Variants in SLC12A7 observed in about 807,000 individuals in gnomAD.
SLC12A7 encodes the protein solute carrier family 12 member 7, also known as K-Cl cotransporter 4.
Under a neutral mutation model 120.6 loss-of-function variants are expected in SLC12A7, and 100 were observed. The observed-to-expected ratio is 0.83, with a 90% CI of 0.71 to 0.98. SLC12A7 has a LOEUF of 0.98. Among genes scored for constraint, SLC12A7 ranks in the 50% least tolerant of loss-of-function variants. SLC12A7 has a pLI of 0.00. For synonymous variants in SLC12A7, 760 were observed against 678.0 expected (o/e 1.12, Z -1.88); for missense variants, 1,373 against 1,548.1 (o/e 0.89, Z 1.90).
the SLC12A7 span, among the ~76,000 whole-genome samples, chr5:1,130,536 C>T: frequency 4.6e-5 from 7 of 151,816 alleles, no homozygotes; most frequent in African/African-American, 1.7e-4. Flanking sequence ...ACCTCCTTAG[C>T]CAGGGCGGCT....
At chr5:1,054,009 G>A (rs938582771) in intron 22 of SLC12A7, among the ~76,000 whole-genome samples, 27 of 152,336 alleles carry the variant, frequency 1.8e-4, no homozygotes, top group African/African-American at 6.0e-4. Flanking sequence ...GGAAGCTCAG[G>A]AAGGAAAGGC....
Position 1,085,477 on chromosome 5 carries a change from T to C in SLC12A7, c.676-4A>G, listed in dbSNP as rs374971418. On this transcript the variant is annotated splice_region_variant and splice_polypyrimidine_tract_variant and intron_variant, in intron 6 of 23. Coordinates refer to ENST00000264930, the MANE Select transcript of SLC12A7 (RefSeq NM_006598.3). ...CCGCACCCGGGGAGATGTACGTCTG[T>C]GGGAACAAGGCCGGTCGGGAGGCCG... is the stretch of plus-strand genomic sequence containing the variant. 146 of 1,603,002 alleles carry C rather than the reference T, an allele frequency of 9.1e-5. 3 individuals are homozygous for C. In the African/African-American group the frequency reaches 1.5e-3, roughly 17 times the overall value.
the SLC12A7 span, among the ~76,000 whole-genome samples, chr5:1,140,653 C>T: frequency 6.6e-6 from 1 of 152,392 alleles, no homozygotes; most frequent in Non-Finnish European, 1.5e-5. Flanking sequence ...GCTCCACGCT[C>T]TCTACTCCAG....
intron 17 of SLC12A7, among the ~76,000 whole-genome samples, chr5:1,066,250 C>T (rs1427586784): frequency 6.6e-6 from 1 of 152,224 alleles, no homozygotes; most frequent in African/African-American, 2.4e-5. Flanking sequence ...TCCCCTGCTG[C>T]GTTCTGGGAT....
At chr5:1,103,296 G>C (rs1579437697) in intron 1 of SLC12A7, among the ~76,000 whole-genome samples, 4 of 152,300 alleles carry the variant, frequency 2.6e-5, no homozygotes, top group African/African-American at 9.6e-5. Context: ...ACCACCGCCA[G>C]TATCCTGTAA....
At chr5:1,115,305 T>C (rs1743271950), upstream of SLC12A7, among the ~76,000 whole-genome samples, 2 of 152,046 alleles carry the variant, frequency 1.3e-5, no homozygotes, top group Non-Finnish European at 2.9e-5. Flanking sequence ...CACCCTGGGG[T>C]GGAGTTTCTA....
chr5:1,153,280 G>A, the SLC12A7 span, among the ~76,000 whole-genome samples: 3 of 152,248 alleles, frequency 2.0e-5, no homozygotes, highest in African/African-American at 7.2e-5. Flanking sequence ...AGGTGGGTGG[G>A]GGAATGCTAG....
intron 3 of SLC12A7, among the ~76,000 whole-genome samples, chr5:1,089,717 G>A (rs762011583): frequency 2.0e-5 from 3 of 152,236 alleles, no homozygotes; most frequent in Non-Finnish European, 2.9e-5. Context: ...CCAGCACGGA[G>A]CAGGCAGCCT....
Position 1,053,382 on chromosome 5 carries a change from C to G in SLC12A7, c.3127G>C (p.Gly1043Arg), listed in dbSNP as rs1272344232. Residue 1043 changes from glycine to arginine, a missense_variant, in exon 23 of 24, where the codon GGT becomes CGT. By Grantham distance (125) the Gly-to-Arg change is moderately radical. Transcript: ENST00000264930. ...DAQLVLLNMP[G>R]PPKNRQGDEN... The stretch of plus-strand genomic sequence containing the variant: ...TCTCCCTGCCGGTTTTTGGGAGGAC[C>G]TGGCATGTTGAGCAGGACCAGCTGC... The G allele has an allele frequency of 6.2e-7, 1 of 1,613,852 alleles. No homozygotes were observed. Among genetic ancestry groups the G allele is most frequent in the African/African-American group, 1.3e-5 (1 of 74,942 alleles).
At chr5:1,143,183 C>T in the SLC12A7 span, among the ~76,000 whole-genome samples, 60,120 of 152,150 alleles carry the variant, frequency 0.4, 12,405 homozygotes, top group East Asian at 0.6. Context: ...TTCCCAAGAC[C>T]GGAGCTTCCC....
chr5:1,067,447 G>A (rs1459545627), intron 17 of SLC12A7, among the ~76,000 whole-genome samples: 3 of 152,346 alleles, frequency 2.0e-5, no homozygotes, highest in East Asian at 1.9e-4. Flanking sequence ...CCCTTTATGC[G>A]GCTGCTTCTC....
At chr5:1,115,461 CTCCCCAGG>C (rs1410044703), upstream of SLC12A7, among the ~76,000 whole-genome samples, 2 of 152,244 alleles carry the variant, frequency 1.3e-5, no homozygotes, top group African/African-American at 4.8e-5. Flanking sequence ...CACGGAGCTT[CTCCCCAGG>C]TCCGCGGGTC....
At chr5:1,090,983 C>G (rs1740433053) in intron 3 of SLC12A7, among the ~76,000 whole-genome samples, 1 of 152,174 alleles carries the variant, frequency 6.6e-6, no homozygotes, top group African/African-American at 2.4e-5. Flanking sequence ...GCCCTTCCAC[C>G]CCAGGGGCCG....
intron 22 of SLC12A7, 45 bp downstream of exon 22, chr5:1,057,426 A>T (rs1735734191): frequency 6.4e-7 from 1 of 1,555,708 alleles, no homozygotes; most frequent in Non-Finnish European, 8.7e-7. Flanking sequence ...CCGGGCCAGC[A>T]CTGCCAGGAT....
chr5:1,082,612 C>CCA (rs1739306146), intron 8 of SLC12A7, among the ~76,000 whole-genome samples: 4 of 141,146 alleles, frequency 2.8e-5, no homozygotes, highest in African/African-American at 8.0e-5. Flanking sequence ...CCTGGGCTTC[C>CCA]TCTCTAGGGT....
chr5:1,107,815 C>T (rs192468548), intron 1 of SLC12A7, among the ~76,000 whole-genome samples: 303 of 152,300 alleles, frequency 2.0e-3, no homozygotes, highest in African/African-American at 6.9e-3. Context: ...GAACCTGAGT[C>T]CACGAGGCAA....
At chr5:1,108,029 T>C (rs12658904) in intron 1 of SLC12A7, among the ~76,000 whole-genome samples, 55 of 151,378 alleles carry the variant, frequency 3.6e-4, no homozygotes, top group African/African-American at 4.9e-4. Context: ...AACACACACA[T>C]ACACACACAC....
the SLC12A7 span, among the ~76,000 whole-genome samples, chr5:1,143,329 G>A: frequency 2.0e-5 from 3 of 152,212 alleles, no homozygotes; most frequent in African/African-American, 2.4e-5. Flanking sequence ...TTGTTCCCTC[G>A]CAGCCTGGGG....
intron 2 of SLC12A7, 100 bp from the exon 3 acceptor site, chr5:1,093,755 G>T: frequency 1.3e-6 from 2 of 1,528,830 alleles, no homozygotes; most frequent in South Asian, 2.4e-5. Context: ...CCCTCCCCGG[G>T]TCCTCAGCCC....
Sources: allele counts gnomAD v4.1 joint callset (sites outside exome capture counted in the v4.1 genomes callset), GRCh38; gene constraint gnomAD v4.1.1; transcripts MANE v1.5; gene names NCBI Gene and HGNC (gene_info 2026-07-23, HGNC 2026-07-21).